The following CRIM1 variants were observed in gnomAD, a reference collection of about 807,000 sequenced individuals.
CRIM1 encodes cysteine-rich motor neuron 1 protein.
A neutral mutation model predicts 116.4 loss-of-function variants in CRIM1; 32 were observed. The ratio of observed to expected loss-of-function variants is 0.27; its 90% CI spans 0.21 to 0.37. The LOEUF is 0.37. Ranked by LOEUF, CRIM1 falls within the 10% of genes least tolerant of loss-of-function variation. The pLI, the probability that CRIM1 is intolerant of heterozygous loss-of-function variation, is 1.00. For missense variants in CRIM1, 1,331 were observed against 1,354.8 expected (o/e 0.98, Z 0.28); for synonymous variants, 590 against 509.2 (o/e 1.16, Z -2.13).
chr2:36,407,037 G>A (rs1302931665), intron 2 of CRIM1, among the ~76,000 whole-genome samples: 4 of 152,092 alleles, frequency 2.6e-5, no homozygotes, highest in African/African-American at 9.7e-5. Flanking sequence ...CCTTCTGCGT[G>A]GGTCAGGGAT....
intron 5 of CRIM1, among the ~76,000 whole-genome samples, chr2:36,471,760 C>CACACA (rs1553316612): frequency 1.5e-5 from 2 of 134,418 alleles, no homozygotes; most frequent in East Asian, 2.3e-4. Flanking sequence ...CACACACACA[C>CACACA]CATCTTACAA....
intron 8 of CRIM1, among the ~76,000 whole-genome samples, chr2:36,507,102 C>G (rs1282901029): frequency 6.6e-6 from 1 of 152,168 alleles, no homozygotes; most frequent in African/African-American, 2.4e-5. Context: ...TCAAGCAATT[C>G]TCCCACCTCA....
intron 16 of CRIM1, among the ~76,000 whole-genome samples, chr2:36,547,396 A>C (rs1019782958): frequency 6.6e-6 from 1 of 152,200 alleles, no homozygotes; most frequent in Non-Finnish European, 1.5e-5. Context: ...AATGAAGCCT[A>C]ACCTTACATG....
intron 8 of CRIM1, among the ~76,000 whole-genome samples, chr2:36,504,413 C>T (rs1681237913): frequency 6.6e-6 from 1 of 152,114 alleles, no homozygotes; most frequent in Admixed American, 6.5e-5. Context: ...TTTAGGCAGT[C>T]ACATTAGGAT....
At chr2:36,544,345 A>G (rs1345776198) in intron 14 of CRIM1, 31 bp from the exon 15 acceptor site, 3 of 1,321,930 alleles carry the variant, frequency 2.3e-6, no homozygotes, top group Admixed American at 3.0e-5. Flanking sequence ...CAGCTTCATC[A>G]TCTCTTAGGA....
intron 9 of CRIM1, among the ~76,000 whole-genome samples, chr2:36,510,609 G>T (rs1664599605): frequency 6.6e-6 from 1 of 152,138 alleles, no homozygotes; most frequent in African/African-American, 2.4e-5. Flanking sequence ...CTTGGAACTA[G>T]TCAGCGTTTC....
At position 36,373,627 on chromosome 2, in the gene CRIM1, C is replaced by T. The variant is rs559757180; in HGVS notation, c.331+17004C>T. ...GAAATGAAGTCATCATTTGCGGAGCCGGTGGACCAGCAGAATGGCCGTGGG... is the reference window on the plus strand; with the variant it reads ...GAAATGAAGTCATCATTTGCGGAGCTGGTGGACCAGCAGAATGGCCGTGGG... On this transcript the variant is annotated intron_variant, in intron 1 of 16. Coordinates refer to ENST00000280527, the MANE Select transcript of CRIM1 (RefSeq NM_016441.3). Among the ~76,000 whole-genome samples the T allele has an allele frequency of 1.5e-4, 23 of 152,242 alleles. No homozygotes were observed. In the South Asian group the frequency reaches 4.1e-3, roughly 27 times the overall value.
At chr2:36,371,090 A>G (rs1669913138) in intron 1 of CRIM1, among the ~76,000 whole-genome samples, 2 of 152,192 alleles carry the variant, frequency 1.3e-5, no homozygotes, top group African/African-American at 2.4e-5. Context: ...TTGGCCAGCA[A>G]CTAAGGCCAG....
At chr2:36,442,050 C>A (rs1205804007) in intron 3 of CRIM1, among the ~76,000 whole-genome samples, 1 of 152,172 alleles carries the variant, frequency 6.6e-6, no homozygotes, top group South Asian at 2.1e-4. Flanking sequence ...ACTGTTTACT[C>A]ACCCTCTTTG....
intron 13 of CRIM1, among the ~76,000 whole-genome samples, chr2:36,536,876 G>A (rs1381058853): frequency 6.6e-6 from 1 of 151,982 alleles, no homozygotes; most frequent in African/African-American, 2.4e-5. Flanking sequence ...AGAAATCTAC[G>A]CAGCATCCCT....
intron 2 of CRIM1, among the ~76,000 whole-genome samples, chr2:36,424,718 A>T (rs1674323768): frequency 6.6e-6 from 1 of 152,142 alleles, no homozygotes; most frequent in South Asian, 2.1e-4. Context: ...TTTTTTCAGC[A>T]GTTGCCATGC....
At chr2:36,448,449 A>G (rs369832144) in intron 4 of CRIM1, among the ~76,000 whole-genome samples, 1 of 152,186 alleles carries the variant, frequency 6.6e-6, no homozygotes, top group East Asian at 1.9e-4. Flanking sequence ...TGCTCTCTCC[A>G]GTGTTTGGAC....
intron 2 of CRIM1, among the ~76,000 whole-genome samples, chr2:36,399,280 T>C (rs13407488): frequency 0.73 from 111,231 of 152,216 alleles, 41,704 homozygotes; most frequent in East Asian, 0.99. Context: ...AAGTCAACAT[T>C]AGGCAGACTT....
In CRIM1 at chr2:36,465,161, G is replaced by A. The variant is rs1677905619; in HGVS notation, c.991+506G>A. The stretch of plus-strand genomic sequence containing the variant: ...GCGGTGGGGAAGACATCTTTAATCA[G>A]TGGTTGGTCACTGATAGCGGCCTGC... On this transcript the variant is annotated intron_variant, in intron 5 of 16. Coordinates refer to ENST00000280527, the MANE Select transcript of CRIM1 (RefSeq NM_016441.3). Among the ~76,000 whole-genome samples, 2 of 152,212 alleles carry A rather than the reference G, an allele frequency of 1.3e-5. 1 individual carries two copies. Among genetic ancestry groups the A allele is most frequent in the Admixed American group, 1.3e-4 (2 of 15,284 alleles).
chr2:36,438,671 G>C (rs1157938320), intron 2 of CRIM1, among the ~76,000 whole-genome samples: 2 of 152,200 alleles, frequency 1.3e-5, no homozygotes, highest in Non-Finnish European at 2.9e-5. Flanking sequence ...ACTGGTAAGA[G>C]GGAGCAGGGA....
In CRIM1 at chr2:36,397,341, T is replaced by C. The variant is rs914629236; in HGVS notation, c.505+554T>C. Among the ~76,000 whole-genome samples, 5 of 152,282 alleles carry C rather than the reference T, an allele frequency of 3.3e-5. No individual in the cohort carries two copies. In the East Asian group the frequency reaches 7.7e-4, roughly 24 times the overall value. On this transcript the variant is annotated intron_variant, in intron 2 of 16. Coordinates refer to ENST00000280527, the MANE Select transcript of CRIM1 (RefSeq NM_016441.3). ...AAGTAACAAGAAAATTATACTGATA[T>C]GGCTCATAACTTTTGTACATTCATA...
At chr2:36,543,012 T>C (rs1227588360) in intron 14 of CRIM1, among the ~76,000 whole-genome samples, 1 of 152,224 alleles carries the variant, frequency 6.6e-6, no homozygotes, top group East Asian at 1.9e-4. Context: ...GTAACTTCTA[T>C]TTTTAATTCT....
chr2:36,441,864 T>A (rs967909304), intron 3 of CRIM1, among the ~76,000 whole-genome samples: 8 of 152,220 alleles, frequency 5.3e-5, no homozygotes, highest in African/African-American at 1.9e-4. Flanking sequence ...TCTGCCACTT[T>A]GAATTATTAC....
At position 36,356,720 on chromosome 2, in the gene CRIM1, A is replaced by G. The variant is rs572362767; in HGVS notation, c.331+97A>G. The G allele has an allele frequency of 6.3e-4, 787 of 1,242,464 alleles. 12 individuals carry two copies. The South Asian group carries it at 0.011, about 17-fold the overall frequency. The allele number at this position is 1,242,464 out of a possible 1,614,324, so 77.0% of individuals were successfully genotyped here. A position where few individuals can be genotyped will look rare whatever the true frequency, so the allele number is the denominator to read the frequency against. On this transcript the variant is annotated intron_variant, in intron 1 of 16. Coordinates refer to ENST00000280527, the MANE Select transcript of CRIM1 (RefSeq NM_016441.3). The surrounding 1 kb of genome is among the most constrained non-coding windows in gnomAD (Gnocchi z 4.3). ...AAGTTTGGGCGAGACTTTCTGGAGG[A>G]AAGAGGGCTCTGCGGGAAGAGGGGC... is the stretch of plus-strand genomic sequence containing the variant.
Sources: gnomAD v4.1 joint callset for allele counts (sites outside exome capture counted in the v4.1 genomes callset) on GRCh38, gnomAD v4.1.1 for gene constraint, Gnocchi (gnomAD v3.1) non-coding constraint, MANE v1.5 for transcripts, NCBI Gene and HGNC (gene_info 2026-07-23, HGNC 2026-07-21) for gene names.